TRIM24: variants seen among roughly 807,000 people sequenced by gnomAD.
TRIM24 encodes transcription intermediary factor 1-alpha.
A neutral mutation model predicts 123.9 loss-of-function variants in TRIM24; 29 were observed. That is an observed-to-expected ratio of 0.23 (90% CI 0.17 to 0.32). The LOEUF is 0.32. TRIM24 is among the 10% of genes least tolerant of loss of function. TRIM24 has a pLI of 1.00. For missense variants in TRIM24, 932 were observed against 1,295.3 expected (o/e 0.72, Z 4.31); for synonymous variants, 456 against 461.1 (o/e 0.99, Z 0.14).
chr7:138,492,942 A>T (rs559760053), intron 1 of TRIM24, among the ~76,000 whole-genome samples: 4 of 152,076 alleles, frequency 2.6e-5, no homozygotes, highest in Admixed American at 1.3e-4. Flanking sequence ...TTTCATTTTA[A>T]TCTTCAGACT....
At chr7:138,508,702 T>TGCGC (rs1318385403) in intron 2 of TRIM24, among the ~76,000 whole-genome samples, 1 of 40,478 alleles carries the variant, frequency 2.5e-5, no homozygotes, top group African/African-American at 7.6e-5. Context: ...TGCGCGCGCG[T>TGCGC]GTGTGCGTGT....
At chr7:138,497,621 C>T (rs976969148) in intron 1 of TRIM24, among the ~76,000 whole-genome samples, 1 of 151,902 alleles carries the variant, frequency 6.6e-6, no homozygotes, top group Admixed American at 6.6e-5. Context: ...TCTCAAACTC[C>T]TGACCTCAGG....
At chr7:138,465,974 C>G (rs1012829772) in intron 1 of TRIM24, among the ~76,000 whole-genome samples, 1 of 152,148 alleles carries the variant, frequency 6.6e-6, no homozygotes, top group Non-Finnish European at 1.5e-5. Context: ...TTCACACTCT[C>G]CCCAGTTTTG....
At chr7:138,510,831 G>A (rs927797968) in intron 2 of TRIM24, among the ~76,000 whole-genome samples, 2 of 152,072 alleles carry the variant, frequency 1.3e-5, no homozygotes, top group Non-Finnish European at 2.9e-5. Flanking sequence ...TTGACATTTA[G>A]GAATTTAAAT....
At chr7:138,578,563 T>TGTGTGTGTGCGCGC (rs145011901) in intron 14 of TRIM24, among the ~76,000 whole-genome samples, 2,420 of 144,976 alleles carry the variant, frequency 0.017, 28 homozygotes, top group Middle Eastern at 0.026. Flanking sequence ...TGTGTGTGTG[T>TGTGTGTGTGCGCGC]GCGCGCACGC....
intron 1 of TRIM24, among the ~76,000 whole-genome samples, chr7:138,484,338 C>T (rs1795599793): frequency 6.6e-6 from 1 of 151,338 alleles, no homozygotes; most frequent in South Asian, 2.1e-4. Flanking sequence ...GGAACTCTTA[C>T]CCTCAGGTGA....
chr7:138,531,254 T>G (rs940791746), intron 6 of TRIM24, among the ~76,000 whole-genome samples: 2 of 151,658 alleles, frequency 1.3e-5, no homozygotes, highest in Middle Eastern at 3.3e-3. Flanking sequence ...ACATGTTACA[T>G]ATGTTACATA....
At chr7:138,534,870 A>C (rs1163783718) in intron 6 of TRIM24, among the ~76,000 whole-genome samples, 1 of 152,142 alleles carries the variant, frequency 6.6e-6, no homozygotes, top group African/African-American at 2.4e-5. Flanking sequence ...GTAGGTCTCT[A>C]AGGACTTGCT....
At chr7:138,576,337 A>G (rs1266906094) in intron 12 of TRIM24, 36 bp from the exon 13 acceptor site, 3 of 1,581,904 alleles carry the variant, frequency 1.9e-6, no homozygotes, top group Admixed American at 3.3e-5. Flanking sequence ...ATAATTATTC[A>G]TTCGTTTTAT....
intron 1 of TRIM24, among the ~76,000 whole-genome samples, chr7:138,469,895 T>C (rs937974765): frequency 1.3e-5 from 2 of 152,124 alleles, no homozygotes; most frequent in African/African-American, 2.4e-5. Context: ...GCCCAAATGG[T>C]ATTTGTGTGA....
chr7:138,490,070 A>G (rs931774012), intron 1 of TRIM24, among the ~76,000 whole-genome samples: 3 of 151,978 alleles, frequency 2.0e-5, no homozygotes, highest in African/African-American at 7.3e-5. Context: ...TTTTTTCTCT[A>G]AACTTCTCTT....
At chr7:138,578,468 AAAAC>A (rs1331266080) in intron 14 of TRIM24, among the ~76,000 whole-genome samples, 3 of 152,156 alleles carry the variant, frequency 2.0e-5, no homozygotes, top group African/African-American at 7.2e-5. Flanking sequence ...CCTACCAACT[AAAAC>A]AATCAATGCT....
chr7:138,551,982 A>C (rs752408781), intron 8 of TRIM24, among the ~76,000 whole-genome samples: 22 of 152,204 alleles, frequency 1.4e-4, no homozygotes, highest in Non-Finnish European at 2.9e-4. Flanking sequence ...CAAGTACTGC[A>C]TAATGATATC....
In TRIM24 at chr7:138,589,020, AAAAT is replaced by A. The variant is rs1438219803; in HGVS notation, c.*4070_*4073del. 2.0e-5 allele frequency: 3 copies of A among 152,404 alleles called. No individual in the cohort carries two copies. Among genetic ancestry groups the A allele is most frequent in the African/African-American group, 7.2e-5 (3 of 41,442 alleles). The allele number at this position is 152,404 out of a possible 1,614,324, so 9.4% of individuals were successfully genotyped here. ...CAAAACTCTGTCTCAAAAAAAAAAA[AAAAT>A]GGTGACCATGCGTTCAACCATATAA... On this transcript the variant is annotated 3_prime_UTR_variant, in exon 19 of 19. Transcript: ENST00000343526.
Position 138,529,115 on chromosome 7 carries a change from G to A in TRIM24, c.882-1G>A. The A allele has an allele frequency of 6.6e-7, 1 of 1,514,540 alleles. No individual in the cohort carries two copies. The highest frequency in any genetic ancestry group is 8.9e-7 in the Non-Finnish European group (1 of 1,125,896). The allele number at this position is 1,514,540 out of a possible 1,614,324, so 93.8% of individuals were successfully genotyped here. ...ATGTTTTTCCCCGTTTTAATTTTCA[G>A]AATTATTGAAGTAAATCAAAATCAA... On this transcript the variant is annotated splice_acceptor_variant, in intron 5 of 18. Transcript: ENST00000343526. LOFTEE classifies it high-confidence loss of function.
At chr7:138,583,815 G>A (rs1391457142) in intron 17 of TRIM24, 35 bp from the exon 18 acceptor site, 3 of 1,393,616 alleles carry the variant, frequency 2.2e-6, no homozygotes, top group Admixed American at 2.2e-5. Context: ...GTGGAATTTA[G>A]CTATTTGTAT....
intron 9 of TRIM24, among the ~76,000 whole-genome samples, chr7:138,557,083 A>C (rs2116640815): frequency 6.6e-6 from 1 of 152,310 alleles, no homozygotes; most frequent in South Asian, 2.1e-4. Flanking sequence ...AGTAATGGTA[A>C]GGGGCATGAG....
rs186157903 is a variant in TRIM24, at chr7:138,560,037, G to A, written c.1530+5071G>A. On this transcript the variant is annotated intron_variant, in intron 9 of 18. Coordinates refer to ENST00000343526, the MANE Select transcript of TRIM24 (RefSeq NM_015905.3). ...ACCTTTAATTTGACCTATGATTGGG[G>A]ATGGCCAACCGAACAAGATCTCATA... 5.8e-4 allele frequency among the ~76,000 whole-genome samples: 89 copies of A among 152,280 alleles called. 1 individual carries two copies. The highest frequency in any genetic ancestry group is 1.2e-3 in the Non-Finnish European group (79 of 68,032).
intron 1 of TRIM24, among the ~76,000 whole-genome samples, chr7:138,495,732 G>GCCACCATGTCCAGTCTAGTGTGA (rs1795891696): frequency 6.6e-6 from 1 of 152,022 alleles, no homozygotes; most frequent in Non-Finnish European, 1.5e-5. Flanking sequence ...ACAGGTGTGA[G>GCCACCATGTCCAGTCTAGTGTGA]CCACCATGTC....
Sources: gnomAD v4.1 joint callset for allele counts (sites outside exome capture counted in the v4.1 genomes callset) on GRCh38, gnomAD v4.1.1 for gene constraint, MANE v1.5 for transcripts, NCBI Gene and HGNC (gene_info 2026-07-23, HGNC 2026-07-21) for gene names.